The following DMRTA1 variants were observed in gnomAD, a reference collection of about 807,000 sequenced individuals.
DMRTA1 encodes DMRT like family A1.
DMRTA1 carries 34 observed loss-of-function variants against 35.2 expected under a neutral mutation model. The observed-to-expected ratio is 0.97, with a 90% CI of 0.74 to 1.29. DMRTA1 has a LOEUF of 1.29. DMRTA1 is among the 50% of genes most tolerant of loss of function. The probability of loss-of-function intolerance (pLI) is 0.00; values close to 1 mark genes in which losing one functional copy is unlikely to be tolerated. For missense variants in DMRTA1, 824 were observed against 644.6 expected (o/e 1.28, Z -3.01); for synonymous variants, 344 against 276.6 (o/e 1.24, Z -2.42).
intron 1 of DMRTA1, among the ~76,000 whole-genome samples, chr9:22,449,737 A>G (rs1339889121): frequency 3.3e-5 from 5 of 152,096 alleles, no homozygotes; most frequent in Admixed American, 6.5e-5. Context: ...TCTTTTTTTC[A>G]TATGCTTATG....
rs745441990 is a variant in DMRTA1 at position 22,451,204 on chromosome 9, T to C, written c.808T>C (p.Tyr270His). The C allele has an allele frequency of 6.2e-7, 1 of 1,614,122 alleles. No homozygotes were observed. Among genetic ancestry groups the C allele is most frequent in the Non-Finnish European group, 8.5e-7 (1 of 1,179,988 alleles). Residue 270 changes from tyrosine to histidine, a missense_variant, in exon 2 of 2, where the codon TAC becomes CAC. Tyr to His is a moderately conservative substitution (Grantham distance 83). Coordinates refer to ENST00000325870, the MANE Select transcript of DMRTA1 (RefSeq NM_022160.3). ...KQSIGSSISE[Y>H]SNKPDSILSP... Reference sequence around the variant, plus strand: ...AAGTATCGGGTCATCTATTTCAGAATACTCCAACAAGCCTGATAGTATCCT... The same window carrying C: ...AAGTATCGGGTCATCTATTTCAGAACACTCCAACAAGCCTGATAGTATCCT...
rs1563826201 is a variant in DMRTA1 at position 22,450,995 on chromosome 9, T to C, written c.668-69T>C. 2.7e-6 allele frequency: 4 copies of C among 1,461,334 alleles called. 1 individual carries two copies. The highest frequency in any genetic ancestry group is 3.6e-4 in the Middle Eastern group (2 of 5,540). 90.5% of individuals were successfully genotyped at this position (1,461,334 alleles called of 1,614,324 possible). On this transcript the variant is annotated intron_variant, in intron 1 of 1. Transcript: ENST00000325870. The stretch of plus-strand genomic sequence containing the variant: ...TTAATTATATTATCCAGCATTATTT[T>C]TGAGTGAGCAGTACCACATTCTGGG...
chr9:22,453,592 G>A lies in DMRTA1; in HGVS notation c.*1681G>A, dbSNP rs1397582105. ...TTCTAAGCCTAAACCGTAGTACAAT[G>A]TCTAGCAAGTAGTTGAAATTCAATT... is the stretch of plus-strand genomic sequence containing the variant. On this transcript the variant is annotated 3_prime_UTR_variant, in exon 2 of 2. Transcript: ENST00000325870. 6.6e-6 allele frequency: 1 copy of A among 152,026 alleles called. No individual in the cohort carries two copies. Among genetic ancestry groups the A allele is most frequent in the Non-Finnish European group, 1.5e-5 (1 of 67,932 alleles). 9.4% of individuals were successfully genotyped at this position (152,026 alleles called of 1,614,324 possible).
At chr9:22,447,945 T>A (rs892332148) in intron 1 of DMRTA1, among the ~76,000 whole-genome samples, 7 of 152,050 alleles carry the variant, frequency 4.6e-5, no homozygotes, top group Admixed American at 2.0e-4. Flanking sequence ...TTCCCTCAGG[T>A]GATAGGATGA....
chr9:22,455,310 A>T lies in DMRTA1; in HGVS notation c.*3399A>T, dbSNP rs758265668. ...TTGGAATTGAGGAAACCTAGAATGG[A>T]TTTATCTATATGACTTGGACAGGTT... On this transcript the variant is annotated 3_prime_UTR_variant, in exon 2 of 2. Coordinates refer to ENST00000325870, the MANE Select transcript of DMRTA1 (RefSeq NM_022160.3). 6.6e-6 allele frequency: 1 copy of T among 152,160 alleles called. No individual in the cohort carries two copies. The highest frequency in any genetic ancestry group is 1.5e-5 in the Non-Finnish European group (1 of 68,024). The allele number at this position is 152,160 out of a possible 1,614,324, so 9.4% of individuals were successfully genotyped here.
Position 22,453,904 on chromosome 9 carries a change from A to C in DMRTA1, c.*1993A>C, listed in dbSNP as rs562584964. ...TAAAGGAAGTTACATTATACAATAG[A>C]GATATGGTTTAAAAAAAAATCCTAG... On this transcript the variant is annotated 3_prime_UTR_variant, in exon 2 of 2. Transcript: ENST00000325870. 6.6e-6 allele frequency: 1 copy of C among 152,180 alleles called. No individual in the cohort carries two copies. Among genetic ancestry groups the C allele is most frequent in the South Asian group, 2.1e-4 (1 of 4,830 alleles). 9.4% of individuals were successfully genotyped at this position (152,180 alleles called of 1,614,324 possible).
rs1818854713 is a variant in DMRTA1 at position 22,447,533 on chromosome 9, A to G, written c.468A>G (p.Leu156=). 6.3e-7 allele frequency: 1 copy of G among 1,582,928 alleles called. No individual in the cohort carries two copies. The highest frequency in any genetic ancestry group is 8.6e-7 in the Non-Finnish European group (1 of 1,165,244). The change falls in exon 1 of 2, where the codon CTA becomes CTG. Residue 156 remains leucine, a synonymous_variant. Coordinates refer to ENST00000325870, the MANE Select transcript of DMRTA1 (RefSeq NM_022160.3). The part of the protein sequence containing the change: ...QAQEESEARG[L]QRLLCSGLSW... ...AGGAGGAGAGCGAAGCCCGGGGGCT[A>G]CAGAGGCTCCTGTGCTCGGGGCTCT...
Position 22,451,651 on chromosome 9 carries a change from T to C in DMRTA1, c.1255T>C (p.Tyr419His). ...TCCTCTTCAAACTACTTCTGCTTCT[T>C]ATGGAGGTGATTCAAGTCTCTACGG... Reference protein sequence around the residue: ...FSPLQTTSASYGGDSSLYGVN... With the variant: ...FSPLQTTSASHGGDSSLYGVN... Residue 419 changes from tyrosine to histidine, a missense_variant, in exon 2 of 2, where the codon TAT becomes CAT. Physicochemically the swap from Tyr to His is moderately conservative, Grantham distance 83. Transcript: ENST00000325870. 1 of 1,614,150 alleles carries C rather than the reference T, an allele frequency of 6.2e-7. No individual in the cohort carries two copies. Among genetic ancestry groups the C allele is most frequent in the Non-Finnish European group, 8.5e-7 (1 of 1,179,964 alleles).
Position 22,446,921 on chromosome 9 carries a change from A to G in DMRTA1, c.-145A>G. 2 of 1,021,042 alleles carry G rather than the reference A, an allele frequency of 2.0e-6. No homozygotes were observed. The highest frequency in any genetic ancestry group is 2.8e-6 in the Non-Finnish European group (2 of 715,482). 63.2% of individuals were successfully genotyped at this position (1,021,042 alleles called of 1,614,324 possible). On this transcript the variant is annotated 5_prime_UTR_variant, in exon 1 of 2. Coordinates refer to ENST00000325870, the MANE Select transcript of DMRTA1 (RefSeq NM_022160.3). ...GGTCGTCCCAACTCCTTCCGAGTGG[A>G]AAGAGTGTAAAACTTTTGTCCGTGC...
intron 1 of DMRTA1, among the ~76,000 whole-genome samples, chr9:22,450,443 G>C (rs534852735): frequency 6.6e-6 from 1 of 152,004 alleles, no homozygotes; most frequent in South Asian, 2.1e-4. Flanking sequence ...GTATGATTTG[G>C]GATTGACATA....
In DMRTA1 at chr9:22,447,595, G is replaced by C. The variant is rs1818857676; in HGVS notation, c.530G>C (p.Gly177Ala). Residue 177 changes from glycine to alanine, a missense_variant, in exon 1 of 2, where the codon GGC (glycine) becomes GCC (alanine). By Grantham distance (60) the Gly-to-Ala change is moderately conservative. Transcript: ENST00000325870. ...GGTGGTCGGGCATCCGGGGGCGGCGGCAGAGCCGAGAATCCACAGTCCACG... is the reference window on the plus strand; with the variant it reads ...GGTGGTCGGGCATCCGGGGGCGGCGCCAGAGCCGAGAATCCACAGTCCACG... ...PPGGRASGGG[G>A]RAENPQSTGG... 1.9e-6 allele frequency: 3 copies of C among 1,603,530 alleles called. No individual in the cohort carries two copies. The highest frequency in any genetic ancestry group is 2.6e-6 in the Non-Finnish European group (3 of 1,176,284).
At position 22,447,347 on chromosome 9, in the gene DMRTA1, G is replaced by T; in HGVS notation, c.282G>T (p.Thr94=). 1 of 1,531,284 alleles carries T rather than the reference G, an allele frequency of 6.5e-7. No individual in the cohort carries two copies. The highest frequency in any genetic ancestry group is 1.4e-5 in the African/African-American group (1 of 69,428). The allele number at this position is 1,531,284 out of a possible 1,614,324, so 94.9% of individuals were successfully genotyped here. A position where few individuals can be genotyped will look rare whatever the true frequency, so the allele number is the denominator to read the frequency against. Residue 94 remains threonine, a synonymous_variant, in exon 1 of 2, where the codon ACG becomes ACT. Transcript: ENST00000325870. ...CGGTGGGCTGCGGCTACCCGCGGAC[G>T]CCCAAGTGCGCCCGCTGTCGTAACC... is the stretch of plus-strand genomic sequence containing the variant. ...VGAVGCGYPR[T]PKCARCRNHG... is the part of the protein sequence containing the mutation.
In DMRTA1 at chr9:22,451,815, C is replaced by T; in HGVS notation, c.1419C>T (p.Ala473=). ...CTTTTCGGCCAGCTTTGGATTATGC[C>T]TTTTCAGGGATGATTAGAGATTCTT... ...TLPFRPALDY[A]FSGMIRDSSY... is the part of the protein sequence containing the mutation. Residue 473 remains alanine, a synonymous_variant, in exon 2 of 2, where the codon GCC becomes GCT. Coordinates refer to ENST00000325870, the MANE Select transcript of DMRTA1 (RefSeq NM_022160.3). 6.2e-7 allele frequency: 1 copy of T among 1,614,054 alleles called. No individual in the cohort carries two copies. Among genetic ancestry groups the T allele is most frequent in the Non-Finnish European group, 8.5e-7 (1 of 1,179,932 alleles).
At chr9:22,450,853 A>G (rs532619982) in intron 1 of DMRTA1, among the ~76,000 whole-genome samples, 14 of 152,314 alleles carry the variant, frequency 9.2e-5, no homozygotes, top group African/African-American at 3.4e-4. Context: ...TTCTGAGATG[A>G]TATAATAGTA....
chr9:22,447,390 C>T lies in DMRTA1; in HGVS notation c.325C>T (p.Leu109Phe). Residue 109 changes from leucine to phenylalanine, a missense_variant, in exon 1 of 2, where the codon CTC becomes TTC. By Grantham distance (22) the Leu-to-Phe change is conservative. Transcript: ENST00000325870. ...RCRNHGVVSA[L>F]KGHKRFCRWR... is the part of the protein sequence containing the mutation. ...TCGTAACCATGGTGTGGTGTCAGCG[C>T]TCAAGGGCCACAAGCGCTTCTGCCG... 6.4e-7 allele frequency: 1 copy of T among 1,553,620 alleles called. No individual in the cohort carries two copies. The highest frequency in any genetic ancestry group is 8.7e-7 in the Non-Finnish European group (1 of 1,151,834).
intron 1 of DMRTA1, among the ~76,000 whole-genome samples, chr9:22,448,753 G>A (rs1008877574): frequency 2.0e-5 from 3 of 152,194 alleles, no homozygotes; most frequent in African/African-American, 7.2e-5. Context: ...CTCAATGGCT[G>A]CTTGAAGTTC....
At position 22,447,294 on chromosome 9, in the gene DMRTA1, G is replaced by C; in HGVS notation, c.229G>C (p.Ala77Pro). Residue 77 changes from alanine (A) to proline (P), a missense_variant, in exon 1 of 2, where the codon GCT (alanine) becomes CCT (proline). Ala to Pro is a conservative substitution (Grantham distance 27). Transcript: ENST00000325870. ...ATSGSGGCPP[A>P]PGLESGVGAV... Reference sequence around the variant, plus strand: ...CTCGGGAAGCGGAGGCTGCCCGCCGGCTCCCGGGCTGGAGAGCGGGGTAGG... The same window carrying C: ...CTCGGGAAGCGGAGGCTGCCCGCCGCCTCCCGGGCTGGAGAGCGGGGTAGG... 6.6e-7 allele frequency: 1 copy of C among 1,506,606 alleles called. No individual in the cohort carries two copies. Among genetic ancestry groups the C allele is most frequent in the Non-Finnish European group, 8.8e-7 (1 of 1,133,760 alleles). The allele number at this position is 1,506,606 out of a possible 1,614,324, so 93.3% of individuals were successfully genotyped here. A position where few individuals can be genotyped will look rare whatever the true frequency, so the allele number is the denominator to read the frequency against.
At chr9:22,449,858 TAAGAAAACTG>T (rs1818900089) in intron 1 of DMRTA1, among the ~76,000 whole-genome samples, 1 of 152,222 alleles carries the variant, frequency 6.6e-6, no homozygotes, top group Non-Finnish European at 1.5e-5. Context: ...GAATTCTTCT[TAAGAAAACTG>T]GAGAAAACTG....
chr9:22,455,684 A>G lies in DMRTA1; in HGVS notation c.*3773A>G, dbSNP rs1378940286. 1.3e-5 allele frequency: 2 copies of G among 152,160 alleles called. No homozygotes were observed. Among genetic ancestry groups the G allele is most frequent in the Non-Finnish European group, 2.9e-5 (2 of 68,028 alleles). The allele number at this position is 152,160 out of a possible 1,614,324, so 9.4% of individuals were successfully genotyped here. A position where few individuals can be genotyped will look rare whatever the true frequency, so the allele number is the denominator to read the frequency against. On this transcript the variant is annotated 3_prime_UTR_variant, in exon 2 of 2. Transcript: ENST00000325870. ...CACGTGTTTTGTAACATATTCTCGT[A>G]TATGTTATTTGGATTATTTTCAGGG...
Sources: gnomAD v4.1 joint callset for allele counts (sites outside exome capture counted in the v4.1 genomes callset) on GRCh38, gnomAD v4.1.1 for gene constraint, MANE v1.5 for transcripts, NCBI Gene and HGNC (gene_info 2026-07-23, HGNC 2026-07-21) for gene names.